ULK4: variants seen among roughly 807,000 people sequenced by gnomAD.
ULK4 encodes inactive serine/threonine-protein kinase ULK4.
ULK4 carries 133 observed loss-of-function variants against 160.6 expected under a neutral mutation model. The observed-to-expected ratio is 0.83, with a 90% CI of 0.72 to 0.96. ULK4 has a LOEUF of 0.96. ULK4 is among the 40% of genes least tolerant of loss of function. ULK4 has a pLI of 0.00. For synonymous variants in ULK4, 534 were observed against 539.8 expected (o/e 0.99, Z 0.15); for missense variants, 1,580 against 1,499.5 (o/e 1.05, Z -0.89).
chr3:41,644,374 C>A (rs2034379885), intron 30 of ULK4, among the ~76,000 whole-genome samples: 1 of 151,782 alleles, frequency 6.6e-6, no homozygotes, highest in Non-Finnish European at 1.5e-5. Context: ...CCCATCAATA[C>A]CTAATTTATT....
chr3:41,820,027 T>C (rs927681865), intron 18 of ULK4, among the ~76,000 whole-genome samples: 3 of 152,136 alleles, frequency 2.0e-5, no homozygotes, highest in African/African-American at 7.2e-5. Flanking sequence ...TGAGCAATAA[T>C]TCTCTCCCAG....
At chr3:41,702,598 G>T (rs73828231) in intron 27 of ULK4, among the ~76,000 whole-genome samples, 28,644 of 151,920 alleles carry the variant, frequency 0.19, 7,344 homozygotes, top group African/African-American at 0.58. Context: ...TGGGACAAAG[G>T]AGGGTAAGGC....
intron 29 of ULK4, among the ~76,000 whole-genome samples, chr3:41,674,667 T>C (rs6797772): frequency 0.02 from 3,021 of 152,268 alleles, 91 homozygotes; most frequent in African/African-American, 0.067. Flanking sequence ...AAGACTACCA[T>C]GGCCAGTATC....
intron 27 of ULK4, among the ~76,000 whole-genome samples, chr3:41,695,606 G>A (rs966528796): frequency 1.3e-5 from 2 of 152,118 alleles, no homozygotes; most frequent in Non-Finnish European, 2.9e-5. Context: ...ATATAGTAAT[G>A]AAGTCATTGA....
intron 32 of ULK4, among the ~76,000 whole-genome samples, chr3:41,490,210 T>C (rs954095879): frequency 2.0e-5 from 3 of 152,162 alleles, no homozygotes; most frequent in African/African-American, 7.2e-5. Context: ...ATCACATGAT[T>C]GGGGCAGCTA....
rs370930423 is a variant in ULK4 at position 41,367,055 on chromosome 3, G to T, written c.3678+31024C>A. Reference sequence around the variant, plus strand: ...GGAAATCTTTCAAGTTGTCATCAGGGTACTAATTAGATATTTTTAAAGACC... The same window carrying T: ...GGAAATCTTTCAAGTTGTCATCAGGTTACTAATTAGATATTTTTAAAGACC... On this transcript the variant is annotated intron_variant, in intron 35 of 36. Coordinates refer to ENST00000301831, the MANE Select transcript of ULK4 (RefSeq NM_017886.4). 6.6e-5 allele frequency among the ~76,000 whole-genome samples: 10 copies of T among 152,228 alleles called. No individual in the cohort carries two copies. In the East Asian group the frequency reaches 9.7e-4, roughly 15 times the overall value.
At chr3:41,414,401 TACA>T (rs2082480104) in intron 34 of ULK4, among the ~76,000 whole-genome samples, 1 of 152,222 alleles carries the variant, frequency 6.6e-6, no homozygotes. Flanking sequence ...AAAACTGTTT[TACA>T]ACAATTTAAA....
Position 41,399,266 on chromosome 3 carries a change from C to T in ULK4, c.3493-1002G>A, listed in dbSNP as rs116353159. On this transcript the variant is annotated intron_variant, in intron 34 of 36. Transcript: ENST00000301831. ...CCCTGATGGCTAATGATGTGGAGTACCTTTTCATGTGCTGATTGGCCATTT... is the reference window on the plus strand; with the variant it reads ...CCCTGATGGCTAATGATGTGGAGTATCTTTTCATGTGCTGATTGGCCATTT... 4.1e-3 allele frequency among the ~76,000 whole-genome samples: 629 copies of T among 152,166 alleles called. 1 individual carries two copies. The highest frequency in any genetic ancestry group is 0.015 in the African/African-American group (602 of 41,486).
chr3:41,649,731 C>A (rs2034662525), intron 30 of ULK4, among the ~76,000 whole-genome samples: 1 of 152,220 alleles, frequency 6.6e-6, no homozygotes, highest in Non-Finnish European at 1.5e-5. Flanking sequence ...CACAAACAGC[C>A]TGGCCCACCA....
intron 31 of ULK4, among the ~76,000 whole-genome samples, chr3:41,594,939 A>C (rs1365321463): frequency 1.3e-5 from 2 of 152,214 alleles, no homozygotes; most frequent in East Asian, 3.9e-4. Flanking sequence ...CCGATCCCAG[A>C]CTGTATTATA....
At chr3:41,548,440 A>G (rs2086941807) in intron 32 of ULK4, among the ~76,000 whole-genome samples, 2 of 151,968 alleles carry the variant, frequency 1.3e-5, no homozygotes, top group Admixed American at 1.3e-4. Context: ...CAAAAGACAT[A>G]GCCTACCTGC....
intron 34 of ULK4, among the ~76,000 whole-genome samples, chr3:41,411,669 G>T (rs989151566): frequency 1.8e-4 from 27 of 152,102 alleles, no homozygotes; most frequent in African/African-American, 6.0e-4. Flanking sequence ...CTGATCTCAG[G>T]TGATCCACCT....
At chr3:41,335,725 G>GC (rs1230934752) in intron 35 of ULK4, among the ~76,000 whole-genome samples, 29 of 124,136 alleles carry the variant, frequency 2.3e-4, no homozygotes, top group African/African-American at 1.0e-3. Context: ...GATGTCAGCA[G>GC]CATGAGGGCA....
chr3:41,397,048 A>G (rs753613186), intron 35 of ULK4, among the ~76,000 whole-genome samples: 17 of 152,102 alleles, frequency 1.1e-4, no homozygotes, highest in Non-Finnish European at 1.9e-4. Context: ...GAACATCCAC[A>G]GCCTCCACCT....
At chr3:41,495,667 G>T (rs564858849) in intron 32 of ULK4, among the ~76,000 whole-genome samples, 1 of 151,038 alleles carries the variant, frequency 6.6e-6, no homozygotes, top group Admixed American at 6.6e-5. Context: ...GAAAATTTTT[G>T]CAACCTACTC....
intron 32 of ULK4, among the ~76,000 whole-genome samples, chr3:41,513,153 T>A (rs149744050): frequency 2.0e-5 from 3 of 152,264 alleles, no homozygotes; most frequent in East Asian, 3.9e-4. Flanking sequence ...GAACTGAAGA[T>A]GGATCAAAGA....
chr3:41,299,450 C>T (rs1490245215), intron 35 of ULK4, among the ~76,000 whole-genome samples: 2 of 152,158 alleles, frequency 1.3e-5, no homozygotes, highest in Non-Finnish European at 2.9e-5. Flanking sequence ...TCACACTTTA[C>T]CCCAGGGCTA....
intron 35 of ULK4, among the ~76,000 whole-genome samples, chr3:41,352,270 C>T (rs921294986): frequency 2.6e-5 from 4 of 152,172 alleles, no homozygotes; most frequent in African/African-American, 9.7e-5. Flanking sequence ...CTACAACCAT[C>T]ATTGTAGCTA....
At chr3:41,954,075 G>T (rs141497406) in intron 2 of ULK4, among the ~76,000 whole-genome samples, 1,571 of 151,864 alleles carry the variant, frequency 0.01, 30 homozygotes, top group African/African-American at 0.037. Flanking sequence ...CTACTCGGGA[G>T]GCTGAAGCAG....
Sources: allele counts gnomAD v4.1 joint callset (sites outside exome capture counted in the v4.1 genomes callset), GRCh38; gene constraint gnomAD v4.1.1; transcripts MANE v1.5; gene names NCBI Gene and HGNC (gene_info 2026-07-23, HGNC 2026-07-21).